PCDHA9: variants seen among roughly 807,000 people sequenced by gnomAD.
PCDHA9 encodes the protein protocadherin alpha-9.
PCDHA9 carries 62 observed loss-of-function variants against 62.0 expected under a neutral mutation model. That is an observed-to-expected ratio of 1.00 (90% CI 0.81 to 1.23). The LOEUF is 1.23. Ranked by LOEUF, PCDHA9 falls within the 50% of genes most tolerant of loss-of-function variation. PCDHA9 has a pLI of 0.00. For synonymous variants in PCDHA9, 557 were observed against 567.6 expected (o/e 0.98, Z 0.27); for missense variants, 1,205 against 1,249.8 (o/e 0.96, Z 0.54).
At chr5:140,851,384 C>T (rs1414767152) in intron 1 of PCDHA9, 1 of 975,562 alleles carries the variant, frequency 1.0e-6, no homozygotes, top group East Asian at 1.1e-4. Flanking sequence ...CAGCAACCTT[C>T]AGTATCTATT....
intron 2 of PCDHA9, among the ~76,000 whole-genome samples, chr5:140,981,442 C>T (rs1379745081): frequency 6.6e-6 from 1 of 151,988 alleles, no homozygotes; most frequent in Non-Finnish European, 1.5e-5. Flanking sequence ...GGCATGGTGG[C>T]GGGTGCCTGT....
At chr5:140,927,200 AC>A in intron 1 of PCDHA9, 1 of 1,614,014 alleles carries the variant, frequency 6.2e-7, no homozygotes, top group Non-Finnish European at 8.5e-7. Context: ...GTGCTCGAGG[AC>A]CCGCTGGAGC....
intron 1 of PCDHA9, among the ~76,000 whole-genome samples, chr5:140,878,595 A>G (rs1413193453): frequency 6.6e-6 from 1 of 152,192 alleles, no homozygotes; most frequent in East Asian, 1.9e-4. Flanking sequence ...CCTATTACCA[A>G]GTGAATCTTC....
rs146613275 is a variant in PCDHA9, at chr5:140,871,400, C to G, written c.2394+20511C>G. ...TGCTCTGAGGAGGGCCCACCTAAGA[C>G]GGACCTCATGGCCTTCAGCCCCAGT... On this transcript the variant is annotated intron_variant, in intron 1 of 3. Transcript: ENST00000532602. The G allele has an allele frequency of 1.8e-4, 284 of 1,614,130 alleles. 1 individual carries two copies. The African/African-American group carries it at 2.8e-3, about 16-fold the overall frequency.
At chr5:140,959,548 A>G (rs1554224134) in intron 1 of PCDHA9, among the ~76,000 whole-genome samples, 2 of 152,194 alleles carry the variant, frequency 1.3e-5, no homozygotes, top group Non-Finnish European at 2.9e-5. Flanking sequence ...ATGCTGTATA[A>G]ATAGAATCAG....
Position 140,974,282 on chromosome 5 carries a change from T to C in PCDHA9, c.2395-4667T>C, listed in dbSNP as rs115449410. Among the ~76,000 whole-genome samples, 1,252 of 152,332 alleles carry C rather than the reference T, an allele frequency of 8.2e-3. 23 individuals carry two copies. The highest frequency in any genetic ancestry group is 0.028 in the African/African-American group (1,180 of 41,572). ...TTCTGGCCTTCCAGGGTCAGAACTC[T>C]GGGCTCCAAGGAGGTACAACTGTGA... On this transcript the variant is annotated intron_variant, in intron 1 of 3. Coordinates refer to ENST00000532602, the MANE Select transcript of PCDHA9 (RefSeq NM_031857.2).
chr5:140,983,766 T>C (rs1554245666), intron 3 of PCDHA9, among the ~76,000 whole-genome samples: 2 of 152,206 alleles, frequency 1.3e-5, no homozygotes, highest in African/African-American at 4.8e-5. Flanking sequence ...TTCAAATACA[T>C]ATCTACATAC....
At chr5:140,871,852 T>A (rs767921370) in intron 1 of PCDHA9, among the ~76,000 whole-genome samples, 12 of 152,354 alleles carry the variant, frequency 7.9e-5, no homozygotes, top group African/African-American at 2.4e-4. Flanking sequence ...ATTATGACCA[T>A]AATAACTATG....
At chr5:140,915,753 G>A (rs1196952771) in intron 1 of PCDHA9, among the ~76,000 whole-genome samples, 1 of 151,952 alleles carries the variant, frequency 6.6e-6, no homozygotes, top group Non-Finnish European at 1.5e-5. Context: ...AGCCAGCACA[G>A]CCCTGGGTCT....
At chr5:140,911,437 G>A (rs530362672) in intron 1 of PCDHA9, among the ~76,000 whole-genome samples, 3 of 152,166 alleles carry the variant, frequency 2.0e-5, no homozygotes, top group East Asian at 3.9e-4. Context: ...CCAATTTCCC[G>A]CAATTTCAGC....
chr5:140,929,540 G>A, intron 1 of PCDHA9: 1 of 549,498 alleles, frequency 1.8e-6, no homozygotes, highest in Admixed American at 4.2e-5. Context: ...GAGAAACAAG[G>A]GCAAAAATTA....
At chr5:141,006,950 T>G (rs1169196116) in intron 3 of PCDHA9, among the ~76,000 whole-genome samples, 1 of 152,148 alleles carries the variant, frequency 6.6e-6, no homozygotes, top group African/African-American at 2.4e-5. Flanking sequence ...AGATAGGCAG[T>G]TATACATGAG....
At chr5:140,894,569 CT>C (rs556288790) in intron 1 of PCDHA9, among the ~76,000 whole-genome samples, 1 of 151,328 alleles carries the variant, frequency 6.6e-6, no homozygotes, top group Non-Finnish European at 1.5e-5. Flanking sequence ...AATTATTTTC[CT>C]TTTTTTTAAT....
intron 1 of PCDHA9, chr5:140,968,530 A>G (rs1554230830): frequency 6.2e-7 from 1 of 1,614,174 alleles, no homozygotes; most frequent in East Asian, 2.2e-5. Context: ...CCAACTCGTC[A>G]GCAGCCTTCG....
chr5:140,857,445 A>G lies in PCDHA9; in HGVS notation c.2394+6556A>G, dbSNP rs144782261. The G allele has an allele frequency of 8.5e-5, 136 of 1,598,262 alleles. 10 individuals carry two copies. Among genetic ancestry groups the G allele is most frequent in the Non-Finnish European group, 1.1e-4 (128 of 1,167,832 alleles). ...GAGTACACGGTGTTCGTGAAGGAGA[A>G]CAACCCGCCAGGCTGCCACATCTTC... On this transcript the variant is annotated intron_variant, in intron 1 of 3. Transcript: ENST00000532602.
At chr5:141,002,020 T>A (rs1380012353) in intron 3 of PCDHA9, among the ~76,000 whole-genome samples, 4 of 152,166 alleles carry the variant, frequency 2.6e-5, no homozygotes, top group Admixed American at 6.5e-5. Flanking sequence ...TGCACAGCCT[T>A]CGGTGCCCTG....
chr5:140,869,853 C>A (rs1408875478), intron 1 of PCDHA9: 1 of 1,610,606 alleles, frequency 6.2e-7, no homozygotes, highest in Admixed American at 1.7e-5. Context: ...ATAAGGTGAG[C>A]CTTATGGAAA....
chr5:140,994,303 C>T (rs13163241), intron 3 of PCDHA9, among the ~76,000 whole-genome samples: 9,825 of 152,220 alleles, frequency 0.065, 357 homozygotes, highest in East Asian at 0.12. Flanking sequence ...ATTGTTTTCA[C>T]AGGGCCCAAA....
intron 3 of PCDHA9, among the ~76,000 whole-genome samples, chr5:140,997,644 ATGCAATAT>A (rs1287449551): frequency 7.9e-5 from 12 of 151,656 alleles, no homozygotes; most frequent in African/African-American, 2.9e-4. Flanking sequence ...AAATGGGATA[ATGCAATAT>A]GTATTATTAT....
Sources: allele counts gnomAD v4.1 joint callset (sites outside exome capture counted in the v4.1 genomes callset), GRCh38; gene constraint gnomAD v4.1.1; transcripts MANE v1.5; gene names NCBI Gene and HGNC (gene_info 2026-07-23, HGNC 2026-07-21).